CFAP92: variants seen among roughly 807,000 people sequenced by gnomAD.
The protein encoded by CFAP92 is uncharacterized protein CFAP92.
Under a neutral mutation model 106.3 loss-of-function variants are expected in CFAP92, and 86 were observed. The ratio of observed to expected loss-of-function variants is 0.81; its 90% CI spans 0.68 to 0.97. The LOEUF is 0.97. Among genes scored for constraint, CFAP92 ranks in the 50% least tolerant of loss-of-function variants. The probability of loss-of-function intolerance (pLI) is 0.00; values close to 1 mark genes in which losing one functional copy is unlikely to be tolerated. For missense variants in CFAP92, 1,204 were observed against 1,283.8 expected, an observed-to-expected ratio of 0.94 and a Z score of 0.95; for synonymous variants, 477 against 506.4, an observed-to-expected ratio of 0.94 and a Z score of 0.78.
At chr3:129,003,717 C>T (rs988498588), upstream of CFAP92, 2 of 1,248,388 alleles carry the variant, frequency 1.6e-6, no homozygotes, top group South Asian at 2.0e-5. Flanking sequence ...GGCATGGGGC[C>T]GCCGTCGTGG....
chr3:128,924,900 C>G lies in CFAP92; in HGVS notation c.2751+7800G>C, dbSNP rs562467412. Among the ~76,000 whole-genome samples the G allele has an allele frequency of 5.3e-5, 8 of 152,272 alleles. No homozygotes were observed. The East Asian group carries it at 1.5e-3, about 29-fold the overall frequency. On this transcript the variant is annotated intron_variant, in intron 12 of 15. Coordinates refer to ENST00000645291, the MANE Select transcript of CFAP92 (RefSeq NM_001394090.1). ...ACCCCCACATCCTCACCACCTGCTT[C>G]TTTGTTTGATCACCAATAAATAGTG...
upstream of CFAP92, among the ~76,000 whole-genome samples, chr3:128,997,094 C>T (rs779698051): frequency 6.6e-6 from 1 of 152,214 alleles, no homozygotes; most frequent in Non-Finnish European, 1.5e-5. Context: ...GACTGTACAT[C>T]TGGTAAGCAG....
intron 1 of CFAP92, 27 bp from the exon 2 acceptor site, chr3:128,993,363 C>T: frequency 6.5e-7 from 1 of 1,547,620 alleles, no homozygotes; most frequent in South Asian, 1.2e-5. Context: ...GAAGGCTGTC[C>T]CCGCCTGTAT....
At chr3:128,916,072 T>C in intron 13 of CFAP92, 35 bp downstream of exon 13, 1 of 1,230,128 alleles carries the variant, frequency 8.1e-7, no homozygotes, top group East Asian at 3.2e-5. Flanking sequence ...CTCATGGGAT[T>C]TGCCAACTGC....
intron 10 of CFAP92, among the ~76,000 whole-genome samples, chr3:128,944,534 G>C (rs1253334154): frequency 1.3e-5 from 2 of 152,156 alleles, no homozygotes; most frequent in Non-Finnish European, 2.9e-5. Flanking sequence ...ACCCAAACTA[G>C]TATACTTGCA....
At chr3:128,959,483 C>T (rs572405508) in intron 9 of CFAP92, among the ~76,000 whole-genome samples, 2 of 152,098 alleles carry the variant, frequency 1.3e-5, no homozygotes, top group Non-Finnish European at 1.5e-5. Flanking sequence ...GACCTTTTCT[C>T]GAGAAGCTAC....
intron 12 of CFAP92, among the ~76,000 whole-genome samples, chr3:128,927,592 C>T (rs1195952718): frequency 1.3e-5 from 2 of 151,758 alleles, no homozygotes; most frequent in African/African-American, 2.4e-5. Flanking sequence ...GGCGTGGTGG[C>T]GGGCGCCTGT....
At chr3:129,012,849 G>A in the CFAP92 span, among the ~76,000 whole-genome samples, 7 of 152,230 alleles carry the variant, frequency 4.6e-5, no homozygotes, top group African/African-American at 1.4e-4. Flanking sequence ...CTCAGCACCA[G>A]GCACAGAGAA....
intron 3 of CFAP92, 135 bp downstream of exon 3, chr3:128,988,593 C>T: frequency 2.4e-6 from 2 of 836,166 alleles, no homozygotes; most frequent in Middle Eastern, 2.3e-4. Context: ...CAGATTCCCA[C>T]TCAGGAGGTG....
intron 10 of CFAP92, among the ~76,000 whole-genome samples, chr3:128,943,068 C>T (rs527740719): frequency 4.1e-4 from 61 of 149,376 alleles, no homozygotes; most frequent in African/African-American, 1.5e-3. Context: ...TACAGGCACA[C>T]GCCACCACAG....
chr3:129,019,068 G>A, the CFAP92 span, among the ~76,000 whole-genome samples: 1 of 152,210 alleles, frequency 6.6e-6, no homozygotes, highest in African/African-American at 2.4e-5. Context: ...CCCAGGAGAG[G>A]GGTTGCTGGG....
upstream of CFAP92, chr3:129,003,936 A>C (rs570713711): frequency 7.2e-6 from 10 of 1,392,840 alleles, no homozygotes; most frequent in Non-Finnish European, 8.4e-6. Flanking sequence ...GGCCAGGCCG[A>C]GGTGCGGCGG....
intron 10 of CFAP92, among the ~76,000 whole-genome samples, chr3:128,937,332 A>AAAAAC (rs796582752): frequency 2.2e-4 from 31 of 143,582 alleles, no homozygotes; most frequent in African/African-American, 8.1e-4. Context: ...AAAAAAAAAA[A>AAAAAC]CCACGCGTAG....
intron 10 of CFAP92, among the ~76,000 whole-genome samples, chr3:128,942,822 C>T (rs1273338654): frequency 2.0e-5 from 3 of 151,530 alleles, no homozygotes; most frequent in Non-Finnish European, 2.9e-5. Context: ...GCTGGGATTA[C>T]AGGTGCCTGC....
At chr3:128,924,249 G>C (rs1358194222) in intron 12 of CFAP92, among the ~76,000 whole-genome samples, 1 of 151,988 alleles carries the variant, frequency 6.6e-6, no homozygotes, top group African/African-American at 2.4e-5. Flanking sequence ...GGAACACCAA[G>C]CTCTGTGCCA....
chr3:129,003,272 G>T (rs80005819), upstream of CFAP92: 2 of 985,324 alleles, frequency 2.0e-6, no homozygotes, highest in Non-Finnish European at 2.4e-6. Context: ...ACGGTCTTCC[G>T]GCATCTCTCA....
chr3:128,913,595 C>T (rs796190465), intron 15 of CFAP92, among the ~76,000 whole-genome samples: 54 of 152,112 alleles, frequency 3.6e-4, no homozygotes, highest in African/African-American at 1.2e-3. Context: ...AGAAGGCAGC[C>T]GACTCTTTTT....
At chr3:128,931,470 T>C (rs1201971954) in intron 12 of CFAP92, among the ~76,000 whole-genome samples, 6 of 112,446 alleles carry the variant, frequency 5.3e-5, no homozygotes, top group African/African-American at 2.6e-4. Flanking sequence ...TATATACACA[T>C]ACATGTATAT....
chr3:128,931,521 GTA>G (rs71822233), intron 12 of CFAP92, among the ~76,000 whole-genome samples: 19,648 of 129,156 alleles, frequency 0.15, 1,413 homozygotes, highest in African/African-American at 0.2. Context: ...ATATATGTAT[GTA>G]TGTGTATATA....
Sources: gnomAD v4.1 joint callset for allele counts (sites outside exome capture counted in the v4.1 genomes callset) on GRCh38, gnomAD v4.1.1 for gene constraint, MANE v1.5 for transcripts, NCBI Gene and HGNC (gene_info 2026-07-23, HGNC 2026-07-21) for gene names.